The following C8orf34 variants were observed in gnomAD, a reference collection of about 807,000 sequenced individuals.
C8orf34 encodes chromosome 8 open reading frame 34, also known as uncharacterized protein C8orf34.
A neutral mutation model predicts 68.3 loss-of-function variants in C8orf34; 65 were observed. The ratio of observed to expected loss-of-function variants is 0.95; its 90% confidence interval spans 0.78 to 1.17. C8orf34 has a LOEUF of 1.17. Ranked by LOEUF, C8orf34 falls within the 50% of genes most tolerant of loss-of-function variation. C8orf34 has a pLI of 0.00. For missense variants in C8orf34, 664 were observed against 655.4 expected (o/e 1.01, Z -0.14); for synonymous variants, 244 against 241.2 (o/e 1.01, Z -0.11).
rs966150045 is a variant in C8orf34 at position 68,816,975 on chromosome 8, C to T, written c.1609+1030C>T. Among the ~76,000 whole-genome samples the T allele has an allele frequency of 1.3e-4, 20 of 152,286 alleles. No individual in the cohort carries two copies. In the Middle Eastern group the frequency reaches 0.01, roughly 78 times the overall value. ...ACAACTATCACGTGGTTCTCTTCCT[C>T]AGCCCATCAAGTGTGCTTTGTATGA... On this transcript the variant is annotated intron_variant, in intron 13 of 13. Coordinates refer to ENST00000518698, the MANE Select transcript of C8orf34 (RefSeq NM_052958.4).
chr8:68,479,947 AT>A (rs1812788285), intron 4 of C8orf34, among the ~76,000 whole-genome samples: 7 of 152,206 alleles, frequency 4.6e-5, no homozygotes, highest in Admixed American at 4.6e-4. Context: ...TGATTTTTAC[AT>A]TTTAAAAGAG....
At chr8:68,405,155 A>G (rs2090421) in intron 1 of C8orf34, among the ~76,000 whole-genome samples, 108,172 of 151,910 alleles carry the variant, frequency 0.71, 38,789 homozygotes, top group African/African-American at 0.79. Context: ...CATTCTTAAG[A>G]TGGTTTGATG....
chr8:68,633,757 G>A (rs1013166543), intron 7 of C8orf34, among the ~76,000 whole-genome samples: 1 of 151,876 alleles, frequency 6.6e-6, no homozygotes, highest in African/African-American at 2.4e-5. Flanking sequence ...CCCAAAATAG[G>A]AAGGAAGAAA....
intron 5 of C8orf34, among the ~76,000 whole-genome samples, chr8:68,519,672 C>A (rs1814665247): frequency 6.6e-6 from 1 of 151,266 alleles, no homozygotes; most frequent in African/African-American, 2.4e-5. Flanking sequence ...AAATATTAGT[C>A]CTGAGGGTTT....
intron 12 of C8orf34, among the ~76,000 whole-genome samples, chr8:68,807,266 A>G (rs1172856772): frequency 6.6e-6 from 1 of 152,198 alleles, no homozygotes; most frequent in African/African-American, 2.4e-5. Flanking sequence ...AAAGAATTTG[A>G]AGACTATGTT....
chr8:68,781,483 A>G (rs1014891786), intron 11 of C8orf34, among the ~76,000 whole-genome samples: 5 of 152,240 alleles, frequency 3.3e-5, no homozygotes, highest in African/African-American at 1.2e-4. Context: ...TCTTGGGAAT[A>G]TGAAAAAGTT....
At chr8:68,421,462 G>GA (rs779364052) in intron 1 of C8orf34, among the ~76,000 whole-genome samples, 5 of 152,186 alleles carry the variant, frequency 3.3e-5, no homozygotes, top group South Asian at 2.1e-4. Context: ...GGAAACCCTA[G>GA]AAAAAACCTA....
At chr8:68,679,610 G>A (rs1472872858) in intron 8 of C8orf34, among the ~76,000 whole-genome samples, 2 of 152,022 alleles carry the variant, frequency 1.3e-5, no homozygotes, top group African/African-American at 2.4e-5. Context: ...ACCCAGAATA[G>A]CCAAATGTAT....
At chr8:68,719,257 C>T (rs899718634) in intron 9 of C8orf34, among the ~76,000 whole-genome samples, 5 of 152,114 alleles carry the variant, frequency 3.3e-5, no homozygotes, top group Non-Finnish European at 4.4e-5. Flanking sequence ...CTTTTAAAAA[C>T]GGTAGTTATG....
At chr8:68,564,818 T>C (rs1008260951) in intron 7 of C8orf34, among the ~76,000 whole-genome samples, 4 of 152,154 alleles carry the variant, frequency 2.6e-5, no homozygotes, top group Non-Finnish European at 5.9e-5. Flanking sequence ...TAGGGTTGGA[T>C]TGTTCTTCTG....
Position 68,625,420 on chromosome 8 carries a change from G to C in C8orf34, c.1106-14956G>C, listed in dbSNP as rs943846256. On this transcript the variant is annotated intron_variant, in intron 7 of 13. Transcript: ENST00000518698. ...GTTGTGAGGTGACAGAATGCTGCATGAGATGTTATTAAGGAAGAGCTCACA... is the reference window on the plus strand; with the variant it reads ...GTTGTGAGGTGACAGAATGCTGCATCAGATGTTATTAAGGAAGAGCTCACA... 7 of 518,414 alleles carry C rather than the reference G, an allele frequency of 1.4e-5. No homozygotes were observed. The Admixed American group carries it at 2.5e-4, about 19-fold the overall frequency. 32.1% of individuals were successfully genotyped at this position (518,414 alleles called of 1,614,324 possible). A position where few individuals can be genotyped will look rare whatever the true frequency, so the allele number is the denominator to read the frequency against.
intron 2 of C8orf34, among the ~76,000 whole-genome samples, chr8:68,444,627 G>A (rs1320933053): frequency 6.6e-6 from 1 of 152,028 alleles, no homozygotes; most frequent in Non-Finnish European, 1.5e-5. Flanking sequence ...TTTTAGAGAG[G>A]TGAAATCATG....
intron 1 of C8orf34, among the ~76,000 whole-genome samples, chr8:68,350,145 A>C (rs1806450443): frequency 1.3e-5 from 2 of 152,024 alleles, no homozygotes; most frequent in African/African-American, 4.8e-5. Flanking sequence ...GCTGTGTCCC[A>C]GAGATTCTGG....
At chr8:68,777,020 A>G (rs1823539364) in intron 11 of C8orf34, among the ~76,000 whole-genome samples, 1 of 152,194 alleles carries the variant, frequency 6.6e-6, no homozygotes, top group Admixed American at 6.5e-5. Flanking sequence ...CTATTGCAGA[A>G]CTCTCAGATA....
At chr8:68,419,908 G>T (rs1383528654) in intron 1 of C8orf34, among the ~76,000 whole-genome samples, 1 of 148,414 alleles carries the variant, frequency 6.7e-6, no homozygotes, top group Non-Finnish European at 1.5e-5. Context: ...CAGCACACCA[G>T]CATGGCACAT....
chr8:68,599,845 CA>C (rs1025291968), intron 7 of C8orf34, among the ~76,000 whole-genome samples: 1 of 151,710 alleles, frequency 6.6e-6, no homozygotes, highest in Non-Finnish European at 1.5e-5. Context: ...GATGAAAAGA[CA>C]AAAAAGTATA....
At chr8:68,775,852 C>A (rs1454704279) in intron 10 of C8orf34, among the ~76,000 whole-genome samples, 1 of 152,104 alleles carries the variant, frequency 6.6e-6, no homozygotes, top group Non-Finnish European at 1.5e-5. Flanking sequence ...ATGTCCTTTG[C>A]AGGGACATGG....
At chr8:68,503,169 G>A (rs1241193597) in intron 5 of C8orf34, among the ~76,000 whole-genome samples, 11 of 152,162 alleles carry the variant, frequency 7.2e-5, no homozygotes, top group Admixed American at 7.2e-4. Context: ...GTCTTGCTTA[G>A]CCTGACTTGT....
intron 10 of C8orf34, among the ~76,000 whole-genome samples, chr8:68,728,105 T>C (rs1291458683): frequency 6.6e-6 from 1 of 152,210 alleles, no homozygotes. Context: ...CCAGGTTACA[T>C]CTTGAATACT....
Sources: allele counts gnomAD v4.1 joint callset (sites outside exome capture counted in the v4.1 genomes callset), GRCh38; gene constraint gnomAD v4.1.1; transcripts MANE v1.5; gene names NCBI Gene and HGNC (gene_info 2026-07-23, HGNC 2026-07-21).